Variants in PIGH observed in about 807,000 individuals in gnomAD.
PIGH encodes phosphatidylinositol glycan anchor biosynthesis class H.
A neutral mutation model predicts 20.1 loss-of-function variants in PIGH; 11 were observed. The ratio of observed to expected loss-of-function variants is 0.55; its 90% CI spans 0.34 to 0.91. PIGH has a LOEUF of 0.91. Among genes scored for constraint, PIGH ranks in the 40% least tolerant of loss-of-function variants. PIGH has a pLI of 0.02. For missense variants in PIGH, 189 were observed against 233.6 expected (o/e 0.81, Z 1.24); for synonymous variants, 72 against 93.1 (o/e 0.77, Z 1.31).
At position 67,599,922 on chromosome 14, in the gene PIGH, G is replaced by A; in HGVS notation, c.180+102C>T. 4 of 957,974 alleles carry A rather than the reference G, an allele frequency of 4.2e-6. No homozygotes were observed. In the South Asian group the frequency reaches 6.8e-5, roughly 16 times the overall value. 59.3% of individuals were successfully genotyped at this position (957,974 alleles called of 1,614,324 possible). ...CCCGCCCTCCTGTCCTATCACTGTA[G>A]GAGGGGCCGACCAGAGGTCCGGGCT... On this transcript the variant is annotated intron_variant, in intron 1 of 3. Coordinates refer to ENST00000216452, the MANE Select transcript of PIGH (RefSeq NM_004569.5).
chr14:67,596,892 T>C (rs1213418308), intron 1 of PIGH, among the ~76,000 whole-genome samples: 1 of 152,240 alleles, frequency 6.6e-6, no homozygotes, highest in Non-Finnish European at 1.5e-5. Context: ...AAGTCTATAC[T>C]GAAGTCTCTT....
In PIGH at chr14:67,589,419, T is replaced by A; in HGVS notation, c.*661A>T. ...CTCATCCTTCTTGGCAAAAGTAGCT[T>A]TTGAACTGATATAAAAAAAAATGCT... On this transcript the variant is annotated 3_prime_UTR_variant, in exon 4 of 4. Coordinates refer to ENST00000216452, the MANE Select transcript of PIGH (RefSeq NM_004569.5). 1.0e-6 allele frequency: 1 copy of A among 985,378 alleles called. No individual in the cohort carries two copies. Among genetic ancestry groups the A allele is most frequent in the Admixed American group, 6.1e-5 (1 of 16,276 alleles). 61.0% of individuals were successfully genotyped at this position (985,378 alleles called of 1,614,324 possible).
chr14:67,590,449 C>T (rs1359560162), intron 3 of PIGH, among the ~76,000 whole-genome samples: 1 of 152,086 alleles, frequency 6.6e-6, no homozygotes, highest in Non-Finnish European at 1.5e-5. Flanking sequence ...ACCTCTGCAT[C>T]CCGGGTTCAA....
chr14:67,596,127 C>T (rs1417722328), intron 1 of PIGH, among the ~76,000 whole-genome samples: 1 of 151,748 alleles, frequency 6.6e-6, no homozygotes, highest in Non-Finnish European at 1.5e-5. Flanking sequence ...TTCCCAGAAG[C>T]TTGCATTCAT....
chr14:67,597,098 G>C (rs1333053027), intron 1 of PIGH, among the ~76,000 whole-genome samples: 2 of 152,306 alleles, frequency 1.3e-5, no homozygotes, highest in African/African-American at 4.8e-5. Flanking sequence ...TGATTTTTAA[G>C]TTTTTACAGG....
In PIGH at chr14:67,595,029, C is replaced by T. The variant is rs1434937798; in HGVS notation, c.181-1077G>A. On this transcript the variant is annotated intron_variant, in intron 1 of 3. Coordinates refer to ENST00000216452, the MANE Select transcript of PIGH (RefSeq NM_004569.5). ...GCAGGCACCTGTAGTCCCAGCTACTCGGGAGGCTGAGGCAGGAGAATGGCG... is the reference window on the plus strand; with the variant it reads ...GCAGGCACCTGTAGTCCCAGCTACTTGGGAGGCTGAGGCAGGAGAATGGCG... Among the ~76,000 whole-genome samples, 3 of 151,820 alleles carry T rather than the reference C, an allele frequency of 2.0e-5. No homozygotes were observed. In the South Asian group the frequency reaches 6.3e-4, roughly 32 times the overall value.
Position 67,600,029 on chromosome 14 carries a change from A to G in PIGH, c.175T>C (p.Cys59Arg), listed in dbSNP as rs1217029475. Reference sequence around the variant, plus strand: ...AGGGGCCGACTTGCCATTACCTCGCAGAGGGTGAAGAGTCCGTAGGCCGCC... The same window carrying G: ...AGGGGCCGACTTGCCATTACCTCGCGGAGGGTGAAGAGTCCGTAGGCCGCC... ...WLAAYGLFTL[C>R]ENSMILSAAI... The change falls in exon 1 of 4, where the codon TGC (cysteine) becomes CGC (arginine). Residue 59 changes from cysteine to arginine, a missense_variant. Cys to Arg is a radical substitution (Grantham distance 180). Coordinates refer to ENST00000216452, the MANE Select transcript of PIGH (RefSeq NM_004569.5). The G allele has an allele frequency of 6.4e-7, 1 of 1,563,680 alleles. No individual in the cohort carries two copies.
At chr14:67,592,604 T>C (rs369211283) in intron 3 of PIGH, 31 bp downstream of exon 3, 91 of 1,324,620 alleles carry the variant, frequency 6.9e-5, no homozygotes, top group Non-Finnish European at 8.7e-5. Flanking sequence ...TGAGGAGTAA[T>C]TGGAGAATGG....
chr14:67,600,033 G>C lies in PIGH; in HGVS notation c.171C>G (p.Thr57=), dbSNP rs1280146695. 4.5e-6 allele frequency: 7 copies of C among 1,570,692 alleles called. No homozygotes were observed. Among genetic ancestry groups the C allele is most frequent in the Non-Finnish European group, 6.0e-6 (7 of 1,159,702 alleles). ...TVWLAAYGLF[T]LCENSMILSA... ...GCCGACTTGCCATTACCTCGCAGAG[G>C]GTGAAGAGTCCGTAGGCCGCCAGCC... The change falls in exon 1 of 4, where the codon ACC becomes ACG. Residue 57 remains threonine (T), a synonymous_variant. Transcript: ENST00000216452.
At chr14:67,597,752 GAAAAGTTTAAAAAAAAA>G (rs1055600474) in intron 1 of PIGH, among the ~76,000 whole-genome samples, 2 of 107,152 alleles carry the variant, frequency 1.9e-5, no homozygotes, top group Admixed American at 1.2e-4. Flanking sequence ...AGTGCCAAAA[GAAAAGTTTAAAAAAAAA>G]AAAGACATTA....
At position 67,590,027 on chromosome 14, in the gene PIGH, G is replaced by C. The variant is rs1054333917; in HGVS notation, c.*53C>G. ...GGAGTACGGAAAACCAGCCCCTATG[G>C]CTTAAGAGTCATCTCCCATGGAAGA... On this transcript the variant is annotated 3_prime_UTR_variant, in exon 4 of 4. Coordinates refer to ENST00000216452, the MANE Select transcript of PIGH (RefSeq NM_004569.5). 6 of 1,527,742 alleles carry C rather than the reference G, an allele frequency of 3.9e-6. No individual in the cohort carries two copies. The highest frequency in any genetic ancestry group is 4.4e-6 in the Non-Finnish European group (5 of 1,136,134). The allele number at this position is 1,527,742 out of a possible 1,614,324, so 94.6% of individuals were successfully genotyped here.
rs911190404 is a variant in PIGH, at chr14:67,590,196, C to T, written c.475-24G>A. 26 of 1,538,722 alleles carry T rather than the reference C, an allele frequency of 1.7e-5. No individual in the cohort carries two copies. In the Admixed American group the frequency reaches 3.4e-4, roughly 20 times the overall value. On this transcript the variant is annotated intron_variant, in intron 3 of 3. Coordinates refer to ENST00000216452, the MANE Select transcript of PIGH (RefSeq NM_004569.5). The stretch of plus-strand genomic sequence containing the variant: ...CTCTGAATTCCAAAGGGGAGAAATG[C>T]GGAGTCAAGGTGAGAATATAAGGGA...
intron 3 of PIGH, among the ~76,000 whole-genome samples, chr14:67,590,422 A>C (rs1054680753): frequency 3.3e-5 from 5 of 151,932 alleles, no homozygotes; most frequent in African/African-American, 1.2e-4. Context: ...CCAGTGGCAC[A>C]ATCTCGGCTC....
At chr14:67,599,061 T>A (rs961523359) in intron 1 of PIGH, among the ~76,000 whole-genome samples, 1 of 152,184 alleles carries the variant, frequency 6.6e-6, no homozygotes, top group Admixed American at 6.5e-5. Context: ...ATTAGGGCAG[T>A]CTTAATTCTG....
Position 67,600,237 on chromosome 14 carries a change from G to A in PIGH, c.-34C>T, listed in dbSNP as rs1444645151. ...CACTCGGCCGCCCGCACCGCGCGGCGCTGCACTGCGCTCGCCGGCCCTGGC... is the reference window on the plus strand; with the variant it reads ...CACTCGGCCGCCCGCACCGCGCGGCACTGCACTGCGCTCGCCGGCCCTGGC... On this transcript the variant is annotated 5_prime_UTR_variant, in exon 1 of 4. Coordinates refer to ENST00000216452, the MANE Select transcript of PIGH (RefSeq NM_004569.5). 6 of 1,506,852 alleles carry A rather than the reference G, an allele frequency of 4.0e-6. No individual in the cohort carries two copies. Among genetic ancestry groups the A allele is most frequent in the African/African-American group, 2.8e-5 (2 of 70,886 alleles). 93.3% of individuals were successfully genotyped at this position (1,506,852 alleles called of 1,614,324 possible). A position where few individuals can be genotyped will look rare whatever the true frequency, so the allele number is the denominator to read the frequency against.
intron 1 of PIGH, among the ~76,000 whole-genome samples, chr14:67,594,263 C>T (rs577797385): frequency 3.9e-5 from 6 of 152,108 alleles, no homozygotes; most frequent in Non-Finnish European, 5.9e-5. Context: ...GCAGGAGGAT[C>T]GTTTGAGCCC....
chr14:67,590,428 G>A (rs532910677), intron 3 of PIGH, among the ~76,000 whole-genome samples: 4 of 151,958 alleles, frequency 2.6e-5, no homozygotes, highest in East Asian at 1.9e-4. Context: ...GCACAATCTC[G>A]GCTCACTGAA....
In PIGH at chr14:67,596,295, A is replaced by ATTTTTTTTTT. The variant is rs772451900; in HGVS notation, c.181-2353_181-2344dup. ...AGGCACCCGCCACCACGCCCAGCTA[A>ATTTTTTTTTT]TTTTTTTTTTTTTTTTTTTTTTTTT... is the stretch of plus-strand genomic sequence containing the variant. On this transcript the variant is annotated intron_variant, in intron 1 of 3. Transcript: ENST00000216452. 8.3e-5 allele frequency among the ~76,000 whole-genome samples: 5 copies of ATTTTTTTTTT among 60,218 alleles called. 1 individual carries two copies. In the East Asian group the frequency reaches 1.7e-3, roughly 21 times the overall value. The allele number at this position is 60,218 out of a possible 152,430, so 39.5% of individuals were successfully genotyped here. A position where few individuals can be genotyped will look rare whatever the true frequency, so the allele number is the denominator to read the frequency against.
At chr14:67,599,395 G>C (rs554787553) in intron 1 of PIGH, among the ~76,000 whole-genome samples, 2 of 152,148 alleles carry the variant, frequency 1.3e-5, no homozygotes, top group African/African-American at 4.8e-5. Flanking sequence ...GAGAAAACAG[G>C]AATGAATCTG....
Sources: allele counts gnomAD v4.1 joint callset (sites outside exome capture counted in the v4.1 genomes callset), GRCh38; gene constraint gnomAD v4.1.1; transcripts MANE v1.5; gene names NCBI Gene and HGNC (gene_info 2026-07-23, HGNC 2026-07-21).